RIMBP2: variants seen among roughly 807,000 people sequenced by gnomAD.
RIMBP2 encodes the protein RIMS binding protein 2, also known as RIMS-binding protein 2.
A neutral mutation model predicts 118.6 loss-of-function variants in RIMBP2; 48 were observed. The observed-to-expected ratio is 0.40, with a 90% CI of 0.32 to 0.51. RIMBP2 has a LOEUF of 0.51. Among genes scored for constraint, RIMBP2 ranks in the 20% least tolerant of loss-of-function variants. The pLI, the probability that RIMBP2 is intolerant of heterozygous loss-of-function variation, is 0.41. For missense variants in RIMBP2, 1,551 were observed against 1,768.3 expected (o/e 0.88, Z 2.20); for synonymous variants, 762 against 742.9 (o/e 1.03, Z -0.42).
At chr12:130,644,996 G>A (rs973403338) in intron 1 of RIMBP2, among the ~76,000 whole-genome samples, 7 of 152,174 alleles carry the variant, frequency 4.6e-5, no homozygotes, top group Non-Finnish European at 8.8e-5. Context: ...AAATACTCAG[G>A]AACACTGTGA....
intron 1 of RIMBP2, among the ~76,000 whole-genome samples, chr12:130,635,995 G>A (rs1238292001): frequency 3.3e-5 from 5 of 152,038 alleles, no homozygotes; most frequent in South Asian, 2.1e-4. Flanking sequence ...TCCAGCCTCC[G>A]AGTGAAGGTT....
intron 1 of RIMBP2, among the ~76,000 whole-genome samples, chr12:130,645,529 A>G (rs1429305429): frequency 6.6e-6 from 1 of 152,230 alleles, no homozygotes; most frequent in Admixed American, 6.5e-5. Flanking sequence ...CGGGATGGGC[A>G]GAGAACTCAA....
intron 6 of RIMBP2, among the ~76,000 whole-genome samples, chr12:130,460,116 G>C (rs1457908860): frequency 6.6e-6 from 1 of 152,224 alleles, no homozygotes; most frequent in Non-Finnish European, 1.5e-5. Flanking sequence ...GCAGCCACCA[G>C]GTGGCTCACC....
chr12:130,488,161 A>G (rs1300653154), intron 4 of RIMBP2, among the ~76,000 whole-genome samples: 5 of 152,158 alleles, frequency 3.3e-5, no homozygotes, highest in African/African-American at 1.2e-4. Flanking sequence ...TCACTACCAA[A>G]GATTCCACAT....
At position 130,438,339 on chromosome 12, in the gene RIMBP2, T is replaced by TCC. The variant is rs3047803; in HGVS notation, c.1656+24_1656+25dup. Reference sequence around the variant, plus strand: ...TGCTGCGTTAGGGCCTAACAAACCCTCCCCACCCACCCAACGAAAACTCAC... The same window carrying TCC: ...TGCTGCGTTAGGGCCTAACAAACCCTCCCCCCACCCACCCAACGAAAACTCAC... On this transcript the variant is annotated intron_variant, in intron 12 of 22. Transcript: ENST00000690449. 8.4e-5 allele frequency: 64 copies of TCC among 759,612 alleles called. 2 individuals carry two copies. The highest frequency in any genetic ancestry group is 5.3e-4 in the Middle Eastern group (2 of 3,806). 47.1% of individuals were successfully genotyped at this position (759,612 alleles called of 1,614,324 possible).
At position 130,688,369 on chromosome 12, in the gene RIMBP2, C is replaced by G. The variant is rs1371643403; in HGVS notation, c.-352+27853G>C. Among the ~76,000 whole-genome samples the G allele has an allele frequency of 6.6e-6, 1 of 152,224 alleles. No homozygotes were observed. Among genetic ancestry groups the G allele is most frequent in the Non-Finnish European group, 1.5e-5 (1 of 68,052 alleles). Reference sequence around the variant, plus strand: ...CCGGTCTCAGGGAGCCACAGGAACACTCTAGAACACTCTGGAACACTCTGG... The same window carrying G: ...CCGGTCTCAGGGAGCCACAGGAACAGTCTAGAACACTCTGGAACACTCTGG... On this transcript the variant is annotated intron_variant, in intron 1 of 22. Transcript: ENST00000690449. This position sits in a 1 kb window ranked among gnomAD's most constrained non-coding sequence, Gnocchi z 4.7.
chr12:130,685,564 C>T (rs2065000710), intron 1 of RIMBP2, among the ~76,000 whole-genome samples: 1 of 152,140 alleles, frequency 6.6e-6, no homozygotes, highest in African/African-American at 2.4e-5. Flanking sequence ...CCGGCAGCCA[C>T]TGAAAAGCCT....
At chr12:130,608,752 G>C (rs1048493200) in intron 2 of RIMBP2, among the ~76,000 whole-genome samples, 4 of 152,206 alleles carry the variant, frequency 2.6e-5, no homozygotes, top group Non-Finnish European at 4.4e-5. Flanking sequence ...GTTAAATCTA[G>C]TTAATTAGCA....
At chr12:130,415,790 T>C (rs7312058) in intron 17 of RIMBP2, among the ~76,000 whole-genome samples, 48,684 of 151,834 alleles carry the variant, frequency 0.32, 8,191 homozygotes, top group African/African-American at 0.44. Flanking sequence ...GATATGATTC[T>C]AAACCTAGAA....
At chr12:130,452,457 G>C (rs1249994561) in intron 7 of RIMBP2, among the ~76,000 whole-genome samples, 1 of 152,220 alleles carries the variant, frequency 6.6e-6, no homozygotes, top group Admixed American at 6.5e-5. Context: ...GGACCTTGTT[G>C]TATTCACTAT....
At chr12:130,687,777 T>C (rs1476688341) in intron 1 of RIMBP2, among the ~76,000 whole-genome samples, 1 of 152,214 alleles carries the variant, frequency 6.6e-6, no homozygotes, top group Non-Finnish European at 1.5e-5. Flanking sequence ...TATGGGCTTT[T>C]ACTAAGAAAG....
At chr12:130,473,997 T>C (rs1041445982) in intron 5 of RIMBP2, among the ~76,000 whole-genome samples, 1 of 152,170 alleles carries the variant, frequency 6.6e-6, no homozygotes, top group Non-Finnish European at 1.5e-5. Context: ...GCGGATGAAT[T>C]ATAAATACGG....
chr12:130,474,339 G>A (rs1332636059), intron 5 of RIMBP2, among the ~76,000 whole-genome samples: 2 of 152,200 alleles, frequency 1.3e-5, no homozygotes, highest in Non-Finnish European at 1.5e-5. Context: ...TTATCTGCGG[G>A]ATTTTGACCC....
chr12:130,420,173 C>G lies in RIMBP2; in HGVS notation c.3238+2280G>C, dbSNP rs1475008493. Among the ~76,000 whole-genome samples the G allele has an allele frequency of 2.0e-5, 3 of 152,152 alleles. No individual in the cohort carries two copies. The highest frequency in any genetic ancestry group is 7.2e-5 in the African/African-American group (3 of 41,438). On this transcript the variant is annotated intron_variant, in intron 17 of 22. Coordinates refer to ENST00000690449, the MANE Select transcript of RIMBP2 (RefSeq NM_001393629.1). This position sits in a 1 kb window ranked among gnomAD's most constrained non-coding sequence, Gnocchi z 4.3. ...ATGTTCATTTCCCAAAGCTCTTTGC[C>G]GAGTCCTCCTCCTCCTCAGGTGGGT...
intron 2 of RIMBP2, among the ~76,000 whole-genome samples, chr12:130,610,078 C>G (rs1162325440): frequency 2.0e-5 from 3 of 152,246 alleles, no homozygotes; most frequent in East Asian, 1.9e-4. Context: ...TAAGTTGGCA[C>G]AAAGTCAACC....
At chr12:130,414,011 T>G in intron 18 of RIMBP2, 114 bp downstream of exon 18, 2 of 1,152,672 alleles carry the variant, frequency 1.7e-6, no homozygotes, top group Non-Finnish European at 2.5e-6. Flanking sequence ...GCCTCGCCCA[T>G]GGCCTGCAGG....
intron 2 of RIMBP2, among the ~76,000 whole-genome samples, chr12:130,613,818 A>G: frequency 6.6e-6 from 1 of 151,256 alleles, no homozygotes. Context: ...TGTCTCAAAA[A>G]AAAAAAAAAA....
At chr12:130,711,027 G>T (rs951810379) in intron 1 of RIMBP2, among the ~76,000 whole-genome samples, 1 of 152,224 alleles carries the variant, frequency 6.6e-6, no homozygotes, top group Non-Finnish European at 1.5e-5. Context: ...CAAATCGCCT[G>T]AGGTCAGGAG....
chr12:130,409,534 C>T (rs991773080), intron 19 of RIMBP2, among the ~76,000 whole-genome samples: 2 of 151,796 alleles, frequency 1.3e-5, no homozygotes, highest in Non-Finnish European at 2.9e-5. Flanking sequence ...TTTGTATAGA[C>T]GGGGTTTCAC....
Sources: gnomAD v4.1 joint callset for allele counts (sites outside exome capture counted in the v4.1 genomes callset) on GRCh38, gnomAD v4.1.1 for gene constraint, Gnocchi (gnomAD v3.1) non-coding constraint, MANE v1.5 for transcripts, NCBI Gene and HGNC (gene_info 2026-07-23, HGNC 2026-07-21) for gene names.